Variants in GOLGA2 observed in about 807,000 individuals in gnomAD.
The protein encoded by GOLGA2 is golgin subfamily A member 2.
In GOLGA2, 49 loss-of-function variants were observed where a neutral mutation model predicts 148.8. That is an observed-to-expected ratio of 0.33 (90% CI 0.26 to 0.42). GOLGA2 has a LOEUF of 0.42. GOLGA2 is among the 10% of genes least tolerant of loss of function. The pLI, the probability that GOLGA2 is intolerant of heterozygous loss-of-function variation, is 1.00. For missense variants in GOLGA2, 1,178 were observed against 1,304.6 expected, an observed-to-expected ratio of 0.90 and a Z score of 1.49; for synonymous variants, 501 against 511.8, an observed-to-expected ratio of 0.98 and a Z score of 0.28.
rs540323943 is a variant in GOLGA2 at position 128,275,821 on chromosome 9, ACT to A, written c.84+70_84+71del. The A allele has an allele frequency of 9.9e-4, 790 of 795,338 alleles. 3 individuals are homozygous for A. In the African/African-American group the frequency reaches 0.013, roughly 13 times the overall value. The allele number at this position is 795,338 out of a possible 1,614,324, so 49.3% of individuals were successfully genotyped here. On this transcript the variant is annotated intron_variant, in intron 1 of 26. Transcript: ENST00000611957. ...CCGGTGTGCCTCAGGAGTGGCAGAG[ACT>A]CTGGCCATGGTCCTGCCATCGGAGT...
intron 7 of GOLGA2, 22 bp from the exon 8 acceptor site, chr9:128,267,296 G>A (rs762609224): frequency 6.5e-7 from 1 of 1,543,816 alleles, no homozygotes; most frequent in South Asian, 1.1e-5. Context: ...GCAGAGAGGA[G>A]GAGTTGGAGG....
At chr9:128,262,785 C>A (rs1588482739) in intron 13 of GOLGA2, 81 bp from the exon 14 acceptor site, 2 of 1,345,724 alleles carry the variant, frequency 1.5e-6, no homozygotes, top group Non-Finnish European at 2.1e-6. Flanking sequence ...ACCCTTGCCC[C>A]ACAACCACAG....
chr9:128,271,369 C>A lies in GOLGA2; in HGVS notation c.288+1416G>T, dbSNP rs3739938. 3.1e-3 allele frequency among the ~76,000 whole-genome samples: 473 copies of A among 152,324 alleles called. 17 individuals are homozygous for A. The East Asian group carries it at 0.077, about 25-fold the overall frequency. On this transcript the variant is annotated intron_variant, in intron 3 of 26. Coordinates refer to ENST00000611957, the MANE Select transcript of GOLGA2 (RefSeq NM_001366244.2). This position sits in a 1 kb window ranked among gnomAD's most constrained non-coding sequence, Gnocchi z 4.4. ...GCAGCCAAGGCTGCTCTGTCTCAGT[C>A]CCTCTCCCCATACCCATCTCCAACA...
chr9:128,260,889 T>A lies in GOLGA2; in HGVS notation c.1421-87A>T. ...ATACCTCCTCTCAAGCTCCCCAAAC[T>A]TGGCCTCCCTGCTGATGATTCCTCG... On this transcript the variant is annotated intron_variant, in intron 17 of 26. Coordinates refer to ENST00000611957, the MANE Select transcript of GOLGA2 (RefSeq NM_001366244.2). The surrounding 1 kb of genome is among the most constrained non-coding windows in gnomAD (Gnocchi z 4.8). 1 of 942,022 alleles carries A rather than the reference T, an allele frequency of 1.1e-6. No individual in the cohort carries two copies. Among genetic ancestry groups the A allele is most frequent in the Non-Finnish European group, 1.6e-6 (1 of 633,828 alleles). 58.4% of individuals were successfully genotyped at this position (942,022 alleles called of 1,614,324 possible). A position where few individuals can be genotyped will look rare whatever the true frequency, so the allele number is the denominator to read the frequency against.
At chr9:128,262,769 C>T (rs1830350806) in intron 13 of GOLGA2, 65 bp from the exon 14 acceptor site, 1 of 1,459,426 alleles carries the variant, frequency 6.9e-7, no homozygotes, top group East Asian at 2.3e-5. Context: ...TGGTGATCCA[C>T]CCTCTACCCT....
At chr9:128,275,201 G>A (rs1831237977) in intron 1 of GOLGA2, among the ~76,000 whole-genome samples, 1 of 152,136 alleles carries the variant, frequency 6.6e-6, no homozygotes, top group African/African-American at 2.4e-5. Flanking sequence ...CTCCCTCCTA[G>A]GTCCCATAGT....
intron 12 of GOLGA2, among the ~76,000 whole-genome samples, chr9:128,263,519 G>A (rs1176359658): frequency 2.0e-5 from 3 of 152,144 alleles, no homozygotes; most frequent in Non-Finnish European, 4.4e-5. Context: ...CCGGGTTCAT[G>A]CCATTCTCCT....
intron 3 of GOLGA2, among the ~76,000 whole-genome samples, chr9:128,269,743 G>A (rs913527526): frequency 6.6e-6 from 1 of 152,188 alleles, no homozygotes. Context: ...GCCTGGCCAC[G>A]GAAGCTGGGT....
At chr9:128,264,834 A>G (rs1787973404) in intron 12 of GOLGA2, among the ~76,000 whole-genome samples, 1 of 152,198 alleles carries the variant, frequency 6.6e-6, no homozygotes, top group Non-Finnish European at 1.5e-5. Flanking sequence ...TGAATGCTTC[A>G]CCAGGCACCA....
In GOLGA2 at chr9:128,273,910, TTTC is replaced by T. The variant is rs762775942; in HGVS notation, c.144_146del (p.Lys49del). ...TCTCAGGGTTACTGCCATTTTTTAT[TTTC>T]TTCTTCTTTTTCGCTCCTGTAGGAA... On this transcript the variant is annotated inframe_deletion, in exon 2 of 27. Transcript: ENST00000611957. 16 of 1,613,884 alleles carry T rather than the reference TTTC, an allele frequency of 9.9e-6. No homozygotes were observed. The highest frequency in any genetic ancestry group is 1.6e-4 in the Middle Eastern group (1 of 6,062).
rs1187396479 is a variant in GOLGA2 at position 128,258,622 on chromosome 9, G to T, written c.2174-52C>A. On this transcript the variant is annotated intron_variant, in intron 21 of 26. Coordinates refer to ENST00000611957, the MANE Select transcript of GOLGA2 (RefSeq NM_001366244.2). The surrounding 1 kb of genome is among the most constrained non-coding windows in gnomAD (Gnocchi z 6.6). ...AGACAACCCAACAAGGGTACAGTGGGCCCACCTCTGCCCCCACCCTCACTG... is the reference window on the plus strand; with the variant it reads ...AGACAACCCAACAAGGGTACAGTGGTCCCACCTCTGCCCCCACCCTCACTG... 1.5e-6 allele frequency: 2 copies of T among 1,303,282 alleles called. No homozygotes were observed. Among genetic ancestry groups the T allele is most frequent in the Non-Finnish European group, 2.1e-6 (2 of 932,046 alleles). 80.7% of individuals were successfully genotyped at this position (1,303,282 alleles called of 1,614,324 possible). A position where few individuals can be genotyped will look rare whatever the true frequency, so the allele number is the denominator to read the frequency against.
Position 128,268,517 on chromosome 9 carries a change from T to C in GOLGA2, c.296A>G (p.Lys99Arg), listed in dbSNP as rs868326710. 1 of 1,601,598 alleles carries C rather than the reference T, an allele frequency of 6.2e-7. No homozygotes were observed. The highest frequency in any genetic ancestry group is 8.5e-7 in the Non-Finnish European group (1 of 1,170,282). Reference sequence around the variant, plus strand: ...TGGTTGTAGAGTAGCAGCATTGTCCTTGGGTGTCTGTCACAGAACAGAGCA... The same window carrying C: ...TGGTTGTAGAGTAGCAGCATTGTCCCTGGGTGTCTGTCACAGAACAGAGCA... ...LPPLDKWKTPKDNAATLQPSD... is the reference protein window; with the variant it reads ...LPPLDKWKTPRDNAATLQPSD... Residue 99 changes from lysine to arginine, a missense_variant, in exon 4 of 27, where the codon AAG becomes AGG. Physicochemically the swap from Lys to Arg is conservative, Grantham distance 26 (BLOSUM62 2). Coordinates refer to ENST00000611957, the MANE Select transcript of GOLGA2 (RefSeq NM_001366244.2).
intron 12 of GOLGA2, among the ~76,000 whole-genome samples, chr9:128,264,260 A>C (rs1285724849): frequency 6.6e-6 from 1 of 151,026 alleles, no homozygotes; most frequent in Non-Finnish European, 1.5e-5. Context: ...TTTGAGATGG[A>C]GTCTCCATCT....
rs200987766 is a variant in GOLGA2, at chr9:128,258,051, G to A, written c.2437C>T (p.Pro813Ser). 565 of 1,611,596 alleles carry A rather than the reference G, an allele frequency of 3.5e-4. No homozygotes were observed. Among genetic ancestry groups the A allele is most frequent in the Non-Finnish European group, 4.0e-4 (476 of 1,179,672 alleles). Residue 813 changes from proline (P) to serine (S), a missense_variant, in exon 23 of 27, where the codon CCA (proline) becomes TCA (serine). This residue lies in a region of GOLGA2 where 529 missense variants were observed against 521.8 expected (regional missense o/e 1.01). Coordinates refer to ENST00000611957, the MANE Select transcript of GOLGA2 (RefSeq NM_001366244.2). The surrounding 1 kb of genome is among the most constrained non-coding windows in gnomAD (Gnocchi z 6.6). ...CACACAGAATCACCCCCGGTCCCTG[G>A]GGCTGGGGCTGCTGCCTCAGGCTCC... The part of the protein sequence containing the change: ...QKEPEAAAPA[P>S]GTGGDSVCGE...
Position 128,266,884 on chromosome 9 carries a change from G to T in GOLGA2, c.642+310C>A. ...AAAGAGCAAATTAAGGACTGAGTCA[G>T]GGCAGAAATACAGGGCTCCTGACAA... On this transcript the variant is annotated intron_variant, in intron 8 of 26. Coordinates refer to ENST00000611957, the MANE Select transcript of GOLGA2 (RefSeq NM_001366244.2). This position sits in a 1 kb window ranked among gnomAD's most constrained non-coding sequence, Gnocchi z 4.2. 1 of 487,748 alleles carries T rather than the reference G, an allele frequency of 2.1e-6. No individual in the cohort carries two copies. Among genetic ancestry groups the T allele is most frequent in the Non-Finnish European group, 3.7e-6 (1 of 269,430 alleles). 30.2% of individuals were successfully genotyped at this position (487,748 alleles called of 1,614,324 possible).
In GOLGA2 at chr9:128,257,896, G is replaced by T; in HGVS notation, c.2509-4C>A. 1 of 1,613,718 alleles carries T rather than the reference G, an allele frequency of 6.2e-7. No individual in the cohort carries two copies. The highest frequency in any genetic ancestry group is 8.5e-7 in the Non-Finnish European group (1 of 1,179,664). Reference sequence around the variant, plus strand: ...GCATGAGCTCCATAAAGCGGCTCTGGAACCAAAATAATGGAGTCATATATC... The same window carrying T: ...GCATGAGCTCCATAAAGCGGCTCTGTAACCAAAATAATGGAGTCATATATC... On this transcript the variant is annotated splice_region_variant and splice_polypyrimidine_tract_variant and intron_variant, in intron 23 of 26. Transcript: ENST00000611957. The surrounding 1 kb of genome is among the most constrained non-coding windows in gnomAD (Gnocchi z 8.0).
In GOLGA2 at chr9:128,261,792, G is replaced by A. The variant is rs1191154385; in HGVS notation, c.1135-35C>T. ...GAAGAGCGAGAAGTTTAGATCTGGG[G>A]AGCCCAGGCCGTTCCAAATAGTGCC... On this transcript the variant is annotated intron_variant, in intron 14 of 26. Coordinates refer to ENST00000611957, the MANE Select transcript of GOLGA2 (RefSeq NM_001366244.2). The surrounding 1 kb of genome is among the most constrained non-coding windows in gnomAD (Gnocchi z 5.7). 6.9e-7 allele frequency: 1 copy of A among 1,441,928 alleles called. No individual in the cohort carries two copies. The highest frequency in any genetic ancestry group is 1.7e-5 in the Admixed American group (1 of 59,818). 89.3% of individuals were successfully genotyped at this position (1,441,928 alleles called of 1,614,324 possible). A position where few individuals can be genotyped will look rare whatever the true frequency, so the allele number is the denominator to read the frequency against.
chr9:128,263,781 G>A (rs1830421930), intron 12 of GOLGA2, among the ~76,000 whole-genome samples: 1 of 151,658 alleles, frequency 6.6e-6, no homozygotes, highest in Non-Finnish European at 1.5e-5. Flanking sequence ...CTTGACTCCT[G>A]ACCTCAAGTG....
At chr9:128,273,751 T>C (rs989399561) in intron 2 of GOLGA2, 99 bp downstream of exon 2, 10 of 1,439,766 alleles carry the variant, frequency 6.9e-6, no homozygotes, top group Non-Finnish European at 9.5e-6. Context: ...AACCCAGAAC[T>C]CTTAATCAGT....
Sources: gnomAD v4.1 joint callset for allele counts (sites outside exome capture counted in the v4.1 genomes callset) on GRCh38, gnomAD v4.1.1 for gene constraint, gnomAD v4.1.1 regional missense constraint, Gnocchi (gnomAD v3.1) non-coding constraint, MANE v1.5 for transcripts, NCBI Gene and HGNC (gene_info 2026-07-23, HGNC 2026-07-21) for gene names.